VWA3A: variants seen among roughly 807,000 people sequenced by gnomAD.
The protein encoded by VWA3A is von Willebrand factor A domain-containing protein 3A.
In VWA3A, 134 loss-of-function variants were observed where a neutral mutation model predicts 160.4. The ratio of observed to expected loss-of-function variants is 0.84; its 90% CI spans 0.73 to 0.96. The LOEUF (loss-of-function observed/expected upper bound fraction) is 0.96, where lower values mean the gene tolerates loss of function less well. Ranked by LOEUF, VWA3A falls within the 40% of genes least tolerant of loss-of-function variation. VWA3A has a pLI of 0.00. For missense variants in VWA3A, 1,310 were observed against 1,447.9 expected (o/e 0.90, Z 1.55); for synonymous variants, 476 against 543.4 (o/e 0.88, Z 1.72).
At chr16:22,119,481 A>G (rs1446763185) in intron 12 of VWA3A, among the ~76,000 whole-genome samples, 1 of 152,142 alleles carries the variant, frequency 6.6e-6, no homozygotes, top group Non-Finnish European at 1.5e-5. Context: ...GACCAGCCTG[A>G]GCAACATGGC....
intron 1 of VWA3A, among the ~76,000 whole-genome samples, chr16:22,093,186 G>A (rs1901397537): frequency 6.6e-6 from 1 of 152,092 alleles, no homozygotes; most frequent in Non-Finnish European, 1.5e-5. Context: ...TCCTAGCTGT[G>A]AACATTACTA....
chr16:22,095,117 T>C (rs1157265852), intron 1 of VWA3A, among the ~76,000 whole-genome samples: 3 of 152,160 alleles, frequency 2.0e-5, no homozygotes, highest in Non-Finnish European at 4.4e-5. Context: ...AAAATCCCTC[T>C]AATGAATGTA....
At chr16:22,095,033 A>C (rs948853302) in intron 1 of VWA3A, among the ~76,000 whole-genome samples, 2 of 152,026 alleles carry the variant, frequency 1.3e-5, no homozygotes, top group African/African-American at 2.4e-5. Flanking sequence ...CCTTCTCAAA[A>C]TATTTATCGA....
intron 26 of VWA3A, among the ~76,000 whole-genome samples, chr16:22,144,656 C>A (rs1424010555): frequency 6.6e-6 from 1 of 152,042 alleles, no homozygotes; most frequent in Non-Finnish European, 1.5e-5. Flanking sequence ...GTGACTCCTG[C>A]CTGTAATACC....
rs1466654881 is a variant in VWA3A, at chr16:22,151,757, T to C, written c.3282-754T>C. ...AGAACACATGTCAGATAAGACATAC[T>C]CAGCTCCTTCAAAAAAAAAAAAACT... On this transcript the variant is annotated intron_variant, in intron 30 of 33. Coordinates refer to ENST00000389398, the MANE Select transcript of VWA3A (RefSeq NM_173615.5). 5.3e-5 allele frequency among the ~76,000 whole-genome samples: 8 copies of C among 151,184 alleles called. No individual in the cohort carries two copies. The East Asian group carries it at 1.5e-3, about 29-fold the overall frequency.
intron 5 of VWA3A, among the ~76,000 whole-genome samples, chr16:22,100,765 C>T (rs1490033472): frequency 1.3e-5 from 2 of 150,482 alleles, no homozygotes; most frequent in Non-Finnish European, 3.0e-5. Flanking sequence ...CGCTTGAACT[C>T]GGGAGGTGGA....
chr16:22,094,319 G>GTT (rs553099796), intron 1 of VWA3A, among the ~76,000 whole-genome samples: 33 of 139,246 alleles, frequency 2.4e-4, no homozygotes, highest in Non-Finnish European at 2.7e-4. Context: ...AGTAAAGCCA[G>GTT]TTTTTTTTTT....
At chr16:22,106,597 G>A (rs1338773708) in intron 6 of VWA3A, among the ~76,000 whole-genome samples, 2 of 152,108 alleles carry the variant, frequency 1.3e-5, no homozygotes, top group East Asian at 1.9e-4. Flanking sequence ...AGTGCAGCAA[G>A]CACAGAGTGA....
intron 3 of VWA3A, among the ~76,000 whole-genome samples, chr16:22,099,155 G>A (rs1308095873): frequency 6.6e-6 from 1 of 151,984 alleles, no homozygotes; most frequent in Non-Finnish European, 1.5e-5. Flanking sequence ...GGTTGAGTCT[G>A]AAAGGTGAGA....
At chr16:22,150,163 A>G (rs890259520) in intron 29 of VWA3A, among the ~76,000 whole-genome samples, 1 of 152,152 alleles carries the variant, frequency 6.6e-6, no homozygotes, top group African/African-American at 2.4e-5. Flanking sequence ...GCACTTTGGG[A>G]GGGCAAGGCA....
In VWA3A at chr16:22,150,760, C is replaced by T. The variant is rs1297488388; in HGVS notation, c.3195C>T (p.Ser1065=). 3.1e-6 allele frequency: 5 copies of T among 1,613,028 alleles called. No individual in the cohort carries two copies. The highest frequency in any genetic ancestry group is 3.4e-6 in the Non-Finnish European group (4 of 1,179,456). The change falls in exon 30 of 34, where the codon AGC becomes AGT. Residue 1065 remains serine (S), a synonymous_variant. Transcript: ENST00000389398. Reference sequence around the variant, plus strand: ...TGACCGACGGAAAGCCAGACACAAGCTGCAGCCTTGTCCTAAATGAAGTCC... The same window carrying T: ...TGACCGACGGAAAGCCAGACACAAGTTGCAGCCTTGTCCTAAATGAAGTCC... ...YLLTDGKPDT[S]CSLVLNEVQK...
Position 22,143,976 on chromosome 16 carries a change from G to A in VWA3A, c.2593-271G>A, listed in dbSNP as rs577644035. Among the ~76,000 whole-genome samples, 6 of 151,664 alleles carry A rather than the reference G, an allele frequency of 4.0e-5. No homozygotes were observed. The South Asian group carries it at 1.0e-3, about 26-fold the overall frequency. ...GCTGTTCTCAAACTCCTGACCTCAG[G>A]AGTTTGAGAACCACCGCTGTCAGCC... is the stretch of plus-strand genomic sequence containing the variant. On this transcript the variant is annotated intron_variant, in intron 25 of 33. Coordinates refer to ENST00000389398, the MANE Select transcript of VWA3A (RefSeq NM_173615.5).
intron 16 of VWA3A, 29 bp from the exon 17 acceptor site, chr16:22,126,149 C>G: frequency 6.2e-7 from 1 of 1,611,900 alleles, no homozygotes; most frequent in Non-Finnish European, 8.5e-7. Flanking sequence ...AGATTCGGTT[C>G]TCCTCTTAAA....
At chr16:22,110,482 C>T (rs1271316361) in intron 7 of VWA3A, among the ~76,000 whole-genome samples, 1 of 152,126 alleles carries the variant, frequency 6.6e-6, no homozygotes, top group African/African-American at 2.4e-5. Flanking sequence ...CCAAAGATCC[C>T]CCAGGTGGAG....
At chr16:22,146,549 G>A (rs1263068162) in intron 27 of VWA3A, among the ~76,000 whole-genome samples, 1 of 152,104 alleles carries the variant, frequency 6.6e-6, no homozygotes, top group Non-Finnish European at 1.5e-5. Flanking sequence ...CACTTTGGGA[G>A]GCCAAGGTGG....
intron 20 of VWA3A, 90 bp from the exon 21 acceptor site, chr16:22,134,278 T>A: frequency 2.7e-6 from 3 of 1,107,824 alleles, no homozygotes; most frequent in Non-Finnish European, 2.6e-6. Context: ...TCAAGTCACC[T>A]CCAGGTGGCT....
At chr16:22,101,702 T>C (rs1242347479) in intron 5 of VWA3A, among the ~76,000 whole-genome samples, 1 of 152,252 alleles carries the variant, frequency 6.6e-6, no homozygotes, top group Non-Finnish European at 1.5e-5. Context: ...GAATGACCAG[T>C]TGCTCAAATT....
At chr16:22,139,923 A>T (rs189694850) in intron 22 of VWA3A, among the ~76,000 whole-genome samples, 4 of 152,232 alleles carry the variant, frequency 2.6e-5, no homozygotes, top group Admixed American at 2.6e-4. Context: ...GCACATGCAC[A>T]CACATACATA....
chr16:22,135,034 G>T (rs532887334), intron 21 of VWA3A, among the ~76,000 whole-genome samples: 2 of 152,186 alleles, frequency 1.3e-5, no homozygotes, highest in South Asian at 4.2e-4. Context: ...TCAGCAACAC[G>T]GTGAAACCCT....
Sources: allele counts gnomAD v4.1 joint callset (sites outside exome capture counted in the v4.1 genomes callset), GRCh38; gene constraint gnomAD v4.1.1; transcripts MANE v1.5; gene names NCBI Gene and HGNC (gene_info 2026-07-23, HGNC 2026-07-21).